The following RSPH4A variants were observed in gnomAD, a reference collection of about 807,000 sequenced individuals.
RSPH4A encodes the protein radial spoke head protein 4 homolog A.
Under a neutral mutation model 71.0 loss-of-function variants are expected in RSPH4A, and 47 were observed. That is an observed-to-expected ratio of 0.66 (90% CI 0.52 to 0.84). The LOEUF is 0.84. Among genes scored for constraint, RSPH4A ranks in the 40% least tolerant of loss-of-function variants. RSPH4A has a pLI of 0.00. For synonymous variants in RSPH4A, 282 were observed against 302.3 expected, an observed-to-expected ratio of 0.93 and a Z score of 0.70; for missense variants, 793 against 855.2, an observed-to-expected ratio of 0.93 and a Z score of 0.91.
Position 116,616,769 on chromosome 6 carries a change from C to T in RSPH4A, c.146C>T (p.Pro49Leu), listed in dbSNP as rs1304236622. The change falls in exon 1 of 6, where the codon CCA becomes CTA. Residue 49 changes from proline to leucine, a missense_variant. Transcript: ENST00000229554. ...GAGCCCTTGGAGGCGAAGCAGGGGC[C>T]AGAAACTGGACGCCAGTCCCGAAGC... ...SSEPLEAKQG[P>L]ETGRQSRSSR... 6.2e-7 allele frequency: 1 copy of T among 1,614,174 alleles called. No individual in the cohort carries two copies. Among genetic ancestry groups the T allele is most frequent in the Admixed American group, 1.7e-5 (1 of 60,024 alleles).
In RSPH4A at chr6:116,617,016, A is replaced by T. The variant is rs768436105; in HGVS notation, c.393A>T (p.Ser131=). The T allele has an allele frequency of 6.2e-7, 1 of 1,614,102 alleles. No individual in the cohort carries two copies. Among genetic ancestry groups the T allele is most frequent in the African/African-American group, 1.3e-5 (1 of 74,932 alleles). ...CTTATCCTGATCCTTTGGAACAATC[A>T]TCTGATAAAAGAGAATCAACTCCTC... is the stretch of plus-strand genomic sequence containing the variant. ...GTPYPDPLEQ[S]SDKRESTPHH... Residue 131 remains serine, a synonymous_variant, in exon 1 of 6, where the codon TCA becomes TCT. Coordinates refer to ENST00000229554, the MANE Select transcript of RSPH4A (RefSeq NM_001010892.3).
At chr6:116,620,040 A>G (rs1423301209) in intron 1 of RSPH4A, among the ~76,000 whole-genome samples, 1 of 152,230 alleles carries the variant, frequency 6.6e-6, no homozygotes, top group Non-Finnish European at 1.5e-5. Flanking sequence ...ATTTTAAACT[A>G]CAATTTACTT....
intron 2 of RSPH4A, among the ~76,000 whole-genome samples, chr6:116,627,388 C>T (rs757640171): frequency 3.3e-5 from 5 of 151,972 alleles, no homozygotes; most frequent in African/African-American, 9.7e-5. Flanking sequence ...GTAGTAGAGA[C>T]GGGGGTCTCA....
At chr6:116,628,779 A>G (rs1775742701) in intron 3 of RSPH4A, among the ~76,000 whole-genome samples, 1 of 152,192 alleles carries the variant, frequency 6.6e-6, no homozygotes, top group Admixed American at 6.5e-5. Context: ...GCCAAGAACA[A>G]TAAGGGATTG....
At chr6:116,627,348 C>T (rs1007382218) in intron 2 of RSPH4A, among the ~76,000 whole-genome samples, 6 of 152,098 alleles carry the variant, frequency 3.9e-5, no homozygotes, top group Admixed American at 6.5e-5. Context: ...TACAGGCACG[C>T]ACCACCATGT....
At position 116,616,973 on chromosome 6, in the gene RSPH4A, T is replaced by C; in HGVS notation, c.350T>C (p.Ile117Thr). The C allele has an allele frequency of 6.2e-7, 1 of 1,614,188 alleles. No individual in the cohort carries two copies. The highest frequency in any genetic ancestry group is 8.5e-7 in the Non-Finnish European group (1 of 1,180,024). Residue 117 changes from isoleucine (I) to threonine (T), a missense_variant, in exon 1 of 6, where the codon ATT (isoleucine) becomes ACT (threonine). Physicochemically the swap from Ile to Thr is moderately conservative, Grantham distance 89. Coordinates refer to ENST00000229554, the MANE Select transcript of RSPH4A (RefSeq NM_001010892.3). ...PPQSDRTTSV[I>T]PEAGTPYPDP... ...CAGTCGGACAGGACCACGAGTGTGATTCCTGAAGCTGGGACACCTTATCCT... is the reference window on the plus strand; with the variant it reads ...CAGTCGGACAGGACCACGAGTGTGACTCCTGAAGCTGGGACACCTTATCCT...
chr6:116,617,142 GA>G lies in RSPH4A; in HGVS notation c.522del (p.Glu175SerfsTer2), dbSNP rs1444391928. On this transcript the variant is annotated frameshift_variant, in exon 1 of 6. Coordinates refer to ENST00000229554, the MANE Select transcript of RSPH4A (RefSeq NM_001010892.3). LOFTEE classifies it high-confidence loss of function. ...RDVSYNNAKQ[K>X]ELRFDVFQEE... ...ACGTGAGCTATAACAACGCTAAACA[GA>G]AAGAGCTGAGATTTGACGTTTTTCA... The G allele has an allele frequency of 2.5e-6, 4 of 1,614,248 alleles. No homozygotes were observed.
Position 116,628,307 on chromosome 6 carries a change from G to A in RSPH4A, c.1600G>A (p.Val534Met), listed in dbSNP as rs749938017. Reference protein sequence around the residue: ...EENPDFEGIQVIDLVESLSNW... With the variant: ...EENPDFEGIQMIDLVESLSNW... ...AAACCCTGATTTTGAAGGCATCCAAGTGATTGATCTAGTAGAATCCCTATC... is the reference window on the plus strand; with the variant it reads ...AAACCCTGATTTTGAAGGCATCCAAATGATTGATCTAGTAGAATCCCTATC... The change falls in exon 3 of 6, where the codon GTG becomes ATG. Residue 534 changes from valine to methionine, a missense_variant. By Grantham distance (21) the Val-to-Met change is conservative (BLOSUM62 1). Transcript: ENST00000229554. The A allele has an allele frequency of 6.2e-7, 1 of 1,612,010 alleles. No individual in the cohort carries two copies. Among genetic ancestry groups the A allele is most frequent in the Non-Finnish European group, 8.5e-7 (1 of 1,179,240 alleles).
chr6:116,628,556 C>T lies in RSPH4A; in HGVS notation c.1662+187C>T, dbSNP rs369837252. 2.5e-4 allele frequency among the ~76,000 whole-genome samples: 38 copies of T among 152,114 alleles called. 2 individuals are homozygous for T. The East Asian group carries it at 6.8e-3, about 27-fold the overall frequency. Reference sequence around the variant, plus strand: ...CAATTGCCAGTGTCTATATAATTGTCTATATAACTGAAGGTCCCAGGGATC... The same window carrying T: ...CAATTGCCAGTGTCTATATAATTGTTTATATAACTGAAGGTCCCAGGGATC... On this transcript the variant is annotated intron_variant, in intron 3 of 5. Coordinates refer to ENST00000229554, the MANE Select transcript of RSPH4A (RefSeq NM_001010892.3).
At chr6:116,618,504 G>A (rs1775547553) in intron 1 of RSPH4A, among the ~76,000 whole-genome samples, 1 of 152,094 alleles carries the variant, frequency 6.6e-6, no homozygotes, top group Non-Finnish European at 1.5e-5. Flanking sequence ...AAGACTTCTT[G>A]TTGTTGCTGT....
intron 1 of RSPH4A, among the ~76,000 whole-genome samples, chr6:116,617,618 G>T (rs1214151497): frequency 6.7e-6 from 1 of 148,642 alleles, no homozygotes; most frequent in Non-Finnish European, 1.5e-5. Flanking sequence ...AGACCATAAA[G>T]ACCATAAAGT....
intron 1 of RSPH4A, among the ~76,000 whole-genome samples, chr6:116,620,995 A>T (rs1440945090): frequency 6.6e-6 from 1 of 152,100 alleles, no homozygotes; most frequent in African/African-American, 2.4e-5. Flanking sequence ...AGTAGCTAGA[A>T]TTACAGGTGC....
chr6:116,621,555 T>C (rs1583347823), intron 1 of RSPH4A, among the ~76,000 whole-genome samples: 1 of 152,176 alleles, frequency 6.6e-6, no homozygotes, highest in African/African-American at 2.4e-5. Context: ...ATGTATAAAA[T>C]TTCAGAGCAG....
rs1428623016 is a variant in RSPH4A, at chr6:116,617,082, TCAGCAACC to T, written c.462_469del (p.Gln155ThrfsTer12). The stretch of plus-strand genomic sequence containing the variant: ...CAGAAGGAAACACCTTTCAACAGTC[TCAGCAACC>T]CAAACCCCACCTGTGTGGACGAAGG... On this transcript the variant is annotated frameshift_variant, in exon 1 of 6. Coordinates refer to ENST00000229554, the MANE Select transcript of RSPH4A (RefSeq NM_001010892.3). LOFTEE classifies it high-confidence loss of function. 12 of 1,614,058 alleles carry T rather than the reference TCAGCAACC, an allele frequency of 7.4e-6. No homozygotes were observed. Among genetic ancestry groups the T allele is most frequent in the Non-Finnish European group, 1.0e-5 (12 of 1,180,040 alleles).
chr6:116,623,827 G>A (rs1175007879), intron 2 of RSPH4A, among the ~76,000 whole-genome samples: 1 of 152,082 alleles, frequency 6.6e-6, no homozygotes, highest in African/African-American at 2.4e-5. Context: ...AATACAAGAG[G>A]AGAGGAGTAA....
In RSPH4A at chr6:116,617,107, G is replaced by T; in HGVS notation, c.484G>T (p.Gly162Ter). The part of the protein sequence containing the change: ...QSQQPKPHLC[G>*]RRDVSYNNAK... ...TCAGCAACCCAAACCCCACCTGTGTGGACGAAGGGACGTGAGCTATAACAA... is the reference window on the plus strand; with the variant it reads ...TCAGCAACCCAAACCCCACCTGTGTTGACGAAGGGACGTGAGCTATAACAA... Residue 162 changes from glycine (G) to a stop codon, truncating the protein, a stop_gained, in exon 1 of 6, where the codon GGA (glycine) becomes TGA (stop). Coordinates refer to ENST00000229554, the MANE Select transcript of RSPH4A (RefSeq NM_001010892.3). LOFTEE classifies it high-confidence loss of function. 6.2e-7 allele frequency: 1 copy of T among 1,614,160 alleles called. No homozygotes were observed. The highest frequency in any genetic ancestry group is 8.5e-7 in the Non-Finnish European group (1 of 1,180,024).
chr6:116,630,620 C>T, intron 5 of RSPH4A, 68 bp downstream of exon 5: 1 of 721,276 alleles, frequency 1.4e-6, no homozygotes, highest in Non-Finnish European at 2.6e-6. Flanking sequence ...TAAATAACCA[C>T]TAGAATGTTA....
At chr6:116,622,138 G>C (rs6568955) in intron 1 of RSPH4A, among the ~76,000 whole-genome samples, 12,142 of 152,108 alleles carry the variant, frequency 0.08, 699 homozygotes, top group Admixed American at 0.16. Flanking sequence ...TTGTGTGTAA[G>C]TGGATGTTAC....
chr6:116,622,734 T>G (rs1295834300), intron 1 of RSPH4A, 34 bp from the exon 2 acceptor site: 6 of 1,286,244 alleles, frequency 4.7e-6, no homozygotes, highest in South Asian at 2.4e-5. Context: ...GCTCTTGACA[T>G]GTATATTATC....
Sources: gnomAD v4.1 joint callset for allele counts (sites outside exome capture counted in the v4.1 genomes callset) on GRCh38, gnomAD v4.1.1 for gene constraint, MANE v1.5 for transcripts, NCBI Gene and HGNC (gene_info 2026-07-23, HGNC 2026-07-21) for gene names.